Variants in SGCZ observed in about 807,000 individuals in gnomAD.
SGCZ encodes the protein sarcoglycan zeta.
Under a neutral mutation model 41.3 loss-of-function variants are expected in SGCZ, and 40 were observed. That is an observed-to-expected ratio of 0.97 (90% CI 0.75 to 1.26). SGCZ has a LOEUF of 1.26. SGCZ is among the 50% of genes most tolerant of loss of function. The probability of loss-of-function intolerance (pLI) is 0.00; values close to 1 mark genes in which losing one functional copy is unlikely to be tolerated. For synonymous variants in SGCZ, 206 were observed against 137.5 expected, an observed-to-expected ratio of 1.50 and a Z score of -3.49; for missense variants, 552 against 369.8, an observed-to-expected ratio of 1.49 and a Z score of -4.04.
chr8:14,476,047 T>C (rs1232025391), intron 2 of SGCZ, among the ~76,000 whole-genome samples: 1 of 151,944 alleles, frequency 6.6e-6, no homozygotes, highest in African/African-American at 2.4e-5. Flanking sequence ...CTCAAGCAAA[T>C]CTTCTACCTT....
chr8:14,224,547 T>G (rs2117130841), intron 4 of SGCZ, among the ~76,000 whole-genome samples: 1 of 152,336 alleles, frequency 6.6e-6, no homozygotes, highest in Non-Finnish European at 1.5e-5. Flanking sequence ...CATCTGGAAA[T>G]ATTTCCCTAT....
At chr8:14,443,328 A>G (rs1358347659) in intron 2 of SGCZ, among the ~76,000 whole-genome samples, 2 of 152,166 alleles carry the variant, frequency 1.3e-5, no homozygotes, top group African/African-American at 2.4e-5. Flanking sequence ...TTCATATGGA[A>G]CCAAAAAAGA....
intron 2 of SGCZ, among the ~76,000 whole-genome samples, chr8:14,347,956 CT>C (rs1802948848): frequency 6.6e-6 from 1 of 152,090 alleles, no homozygotes; most frequent in Admixed American, 6.6e-5. Flanking sequence ...TACTTTGCAA[CT>C]CCCTCTTTCT....
At chr8:15,005,337 T>G (rs2898405) in intron 1 of SGCZ, among the ~76,000 whole-genome samples, 71,292 of 145,470 alleles carry the variant, frequency 0.49, 18,105 homozygotes, top group South Asian at 0.56. Context: ...TCTTTTTTTT[T>G]TTTTTTTTTT....
Position 14,524,035 on chromosome 8 carries a change from T to C in SGCZ, c.234+30697A>G, listed in dbSNP as rs151097064. On this transcript the variant is annotated intron_variant, in intron 2 of 7. Coordinates refer to ENST00000382080, the MANE Select transcript of SGCZ (RefSeq NM_139167.4). ...TGAAAACATTCATTGAGTTTACTTC[T>C]TTTATTACATTTTTGTCAGGTAAAA... 1.5e-4 allele frequency among the ~76,000 whole-genome samples: 23 copies of C among 152,278 alleles called. 1 individual carries two copies. Among genetic ancestry groups the C allele is most frequent in the African/African-American group, 5.5e-4 (23 of 41,568 alleles).
intron 3 of SGCZ, among the ~76,000 whole-genome samples, chr8:14,271,896 G>A (rs1291885761): frequency 6.6e-6 from 1 of 152,134 alleles, no homozygotes; most frequent in African/African-American, 2.4e-5. Context: ...GAAAGCCAAA[G>A]TTAAACTTTT....
intron 2 of SGCZ, among the ~76,000 whole-genome samples, chr8:14,442,806 T>C (rs1312061459): frequency 1.3e-5 from 2 of 152,220 alleles, no homozygotes; most frequent in African/African-American, 4.8e-5. Context: ...TGTTTTATTG[T>C]TGTTAATTAT....
At chr8:15,232,333 C>T (rs1563197990) in intron 1 of SGCZ, among the ~76,000 whole-genome samples, 1 of 151,904 alleles carries the variant, frequency 6.6e-6, no homozygotes, top group Non-Finnish European at 1.5e-5. Context: ...TTTTACTGGG[C>T]CTTCAACATT....
intron 5 of SGCZ, among the ~76,000 whole-genome samples, chr8:14,125,917 C>T (rs976404436): frequency 6.6e-6 from 1 of 152,114 alleles, no homozygotes; most frequent in Non-Finnish European, 1.5e-5. Flanking sequence ...GGAAAACTGG[C>T]GTGCCATATG....
At chr8:14,963,344 T>TC (rs1801026382) in intron 1 of SGCZ, among the ~76,000 whole-genome samples, 1 of 151,848 alleles carries the variant, frequency 6.6e-6, no homozygotes, top group Non-Finnish European at 1.5e-5. Context: ...TCTTCTTTTT[T>TC]TTTTTTTGTT....
At chr8:14,487,394 T>C (rs11779997) in intron 2 of SGCZ, among the ~76,000 whole-genome samples, 28,912 of 150,152 alleles carry the variant, frequency 0.19, 3,294 homozygotes, top group Admixed American at 0.26. Flanking sequence ...AAATGATGTA[T>C]GGCAAAGTAT....
Position 15,237,662 on chromosome 8 carries a change from T to A in SGCZ, c.-39A>T, listed in dbSNP as rs1802183695. On this transcript the variant is annotated 5_prime_UTR_variant, in exon 1 of 8. Transcript: ENST00000382080. ...ACGAAGTGGAGAGGAACCGGGCGAG[T>A]GGCACCCAAAAACAATCTAGTCTTT... 1.3e-6 allele frequency: 2 copies of A among 1,565,018 alleles called. No homozygotes were observed. The highest frequency in any genetic ancestry group is 1.4e-5 in the African/African-American group (1 of 73,590).
chr8:14,496,055 C>T (rs1381493200), intron 2 of SGCZ, among the ~76,000 whole-genome samples: 2 of 151,990 alleles, frequency 1.3e-5, no homozygotes, highest in Non-Finnish European at 2.9e-5. Context: ...CGTGTGGTCT[C>T]CTAGTACTTA....
chr8:14,200,544 C>A (rs1008948249), intron 4 of SGCZ, among the ~76,000 whole-genome samples: 1 of 152,090 alleles, frequency 6.6e-6, no homozygotes, highest in African/African-American at 2.4e-5. Flanking sequence ...AGTATGAGAC[C>A]TGAACATATA....
At chr8:14,621,215 C>G (rs1339931942) in intron 1 of SGCZ, among the ~76,000 whole-genome samples, 1 of 144,194 alleles carries the variant, frequency 6.9e-6, no homozygotes, top group Non-Finnish European at 1.5e-5. Context: ...CATGTTCTCA[C>G]TCATAGGTGG....
chr8:14,590,752 G>T (rs1483775020), intron 1 of SGCZ, among the ~76,000 whole-genome samples: 2 of 147,252 alleles, frequency 1.4e-5, no homozygotes, highest in Non-Finnish European at 3.0e-5. Context: ...ACTATATACT[G>T]TCATAGTATA....
chr8:15,001,053 G>A lies in SGCZ; in HGVS notation c.39+236532C>T, dbSNP rs761440927. Among the ~76,000 whole-genome samples, 12 of 152,190 alleles carry A rather than the reference G, an allele frequency of 7.9e-5. No homozygotes were observed. The East Asian group carries it at 1.5e-3, about 20-fold the overall frequency. On this transcript the variant is annotated intron_variant, in intron 1 of 7. Coordinates refer to ENST00000382080, the MANE Select transcript of SGCZ (RefSeq NM_139167.4). ...AAGCTCTGGCAAAAGGGACAACAACGGCTGAGTGACACTGCTGGGGCAGCT... is the reference window on the plus strand; with the variant it reads ...AAGCTCTGGCAAAAGGGACAACAACAGCTGAGTGACACTGCTGGGGCAGCT...
intron 4 of SGCZ, among the ~76,000 whole-genome samples, chr8:14,193,451 T>C (rs549463456): frequency 6.6e-6 from 1 of 152,186 alleles, no homozygotes; most frequent in East Asian, 1.9e-4. Flanking sequence ...AATGGTTTAA[T>C]CATACCTTTC....
At chr8:14,111,094 A>G (rs932773547) in intron 5 of SGCZ, among the ~76,000 whole-genome samples, 20 of 149,806 alleles carry the variant, frequency 1.3e-4, no homozygotes, top group Non-Finnish European at 2.2e-4. Context: ...TTAAAAAAAA[A>G]CTGTCTCTCT....
Sources: allele counts gnomAD v4.1 joint callset (sites outside exome capture counted in the v4.1 genomes callset), GRCh38; gene constraint gnomAD v4.1.1; transcripts MANE v1.5; gene names NCBI Gene and HGNC (gene_info 2026-07-23, HGNC 2026-07-21).